FNIP2: variants seen among roughly 807,000 people sequenced by gnomAD.
FNIP2 encodes folliculin interacting protein 2, also known as folliculin-interacting protein 2.
Under a neutral mutation model 108.7 loss-of-function variants are expected in FNIP2, and 32 were observed. The observed-to-expected ratio is 0.29, with a 90% CI of 0.22 to 0.40. The LOEUF is 0.40. Ranked by LOEUF, FNIP2 falls within the 10% of genes least tolerant of loss-of-function variation. The probability of loss-of-function intolerance (pLI) is 1.00; values close to 1 mark genes in which losing one functional copy is unlikely to be tolerated. For missense variants in FNIP2, 1,202 were observed against 1,381.6 expected, an observed-to-expected ratio of 0.87 and a Z score of 2.06; for synonymous variants, 480 against 496.7, an observed-to-expected ratio of 0.97 and a Z score of 0.45.
intron 13 of FNIP2, 27 bp from the exon 14 acceptor site, chr4:158,870,286 A>G (rs746717534): frequency 6.2e-7 from 1 of 1,603,452 alleles, no homozygotes. Flanking sequence ...TTAGCTGTGC[A>G]TTTTAATGGG....
chr4:158,839,904 G>A (rs1245616903), intron 7 of FNIP2, among the ~76,000 whole-genome samples: 1 of 152,186 alleles, frequency 6.6e-6, no homozygotes, highest in Non-Finnish European at 1.5e-5. Context: ...AGCAGCACAA[G>A]CTGGGGCAGG....
intron 7 of FNIP2, among the ~76,000 whole-genome samples, chr4:158,844,517 C>G (rs77364422): frequency 0.04 from 6,117 of 152,252 alleles, 206 homozygotes; most frequent in Non-Finnish European, 0.06. Context: ...AACCTTTGTG[C>G]TAGTTATTTA....
chr4:158,844,855 G>A (rs561133651), intron 7 of FNIP2, among the ~76,000 whole-genome samples: 2 of 152,286 alleles, frequency 1.3e-5, no homozygotes, highest in South Asian at 2.1e-4. Flanking sequence ...AACTTGATTG[G>A]CACATGCCAG....
chr4:158,861,187 G>A (rs1006598142), intron 10 of FNIP2, among the ~76,000 whole-genome samples, 155 bp from the exon 11 acceptor site: 4 of 152,242 alleles, frequency 2.6e-5, no homozygotes, highest in Non-Finnish European at 4.4e-5. Flanking sequence ...GATTTGGCCC[G>A]TGGGCCATAG....
At chr4:158,896,993 C>G (rs1782748492) in intron 16 of FNIP2, among the ~76,000 whole-genome samples, 1 of 152,054 alleles carries the variant, frequency 6.6e-6, no homozygotes, top group South Asian at 2.1e-4. Context: ...TATCCCACCC[C>G]CAGCCCCCCA....
Position 158,903,469 on chromosome 4 carries a change from A to G in FNIP2, c.3267-997A>G, listed in dbSNP as rs566747527. ...TTCCATTGCCAAATGTGTGCCTTAC[A>G]TTTCAAGGGCTTTACCCCATCCTTG... On this transcript the variant is annotated intron_variant, in intron 16 of 16. Coordinates refer to ENST00000264433, the MANE Select transcript of FNIP2 (RefSeq NM_020840.3). Among the ~76,000 whole-genome samples the G allele has an allele frequency of 1.1e-4, 17 of 152,262 alleles. 1 individual carries two copies. In the South Asian group the frequency reaches 3.5e-3, roughly 32 times the overall value.
intron 1 of FNIP2, among the ~76,000 whole-genome samples, chr4:158,798,527 G>A (rs1414230692): frequency 1.3e-5 from 2 of 152,148 alleles, no homozygotes; most frequent in Non-Finnish European, 2.9e-5. Flanking sequence ...ATATTTTTCT[G>A]AATTATTGAT....
intron 13 of FNIP2, among the ~76,000 whole-genome samples, chr4:158,869,672 A>G (rs1430818076): frequency 6.6e-6 from 1 of 152,194 alleles, no homozygotes; most frequent in Admixed American, 6.5e-5. Context: ...TTGTCTTTGC[A>G]GCTATCGTGA....
chr4:158,802,093 G>A (rs1776782926), intron 1 of FNIP2, among the ~76,000 whole-genome samples: 1 of 152,082 alleles, frequency 6.6e-6, no homozygotes, highest in South Asian at 2.1e-4. Context: ...GTACATATTC[G>A]GGTTGCTGTG....
intron 1 of FNIP2, among the ~76,000 whole-genome samples, chr4:158,803,165 T>C (rs1265118063): frequency 2.6e-5 from 4 of 152,200 alleles, no homozygotes; most frequent in Admixed American, 1.3e-4. Flanking sequence ...CAGACACTTT[T>C]GTAAATGTGT....
chr4:158,778,524 G>A (rs11723981), intron 1 of FNIP2, among the ~76,000 whole-genome samples: 55,010 of 152,048 alleles, frequency 0.36, 10,398 homozygotes, highest in Middle Eastern at 0.47. Flanking sequence ...ATCATCTCAA[G>A]GAGAAGGAGG....
intron 10 of FNIP2, among the ~76,000 whole-genome samples, chr4:158,860,744 C>T (rs953158556): frequency 6.6e-6 from 1 of 150,672 alleles, no homozygotes; most frequent in African/African-American, 2.4e-5. Context: ...GCAACCTTCA[C>T]CTCCTGGGTT....
At chr4:158,846,552 A>T (rs201732157) in intron 7 of FNIP2, among the ~76,000 whole-genome samples, 1 of 152,188 alleles carries the variant, frequency 6.6e-6, no homozygotes, top group East Asian at 1.9e-4. Context: ...TATAATACAG[A>T]TAATTTCCAG....
intron 7 of FNIP2, chr4:158,836,200 C>A: frequency 6.6e-6 from 1 of 152,312 alleles, no homozygotes; most frequent in Non-Finnish European, 1.5e-5. Context: ...AACAAATGGG[C>A]CAGCCAGGCG....
intron 1 of FNIP2, among the ~76,000 whole-genome samples, chr4:158,787,367 G>A (rs940634268): frequency 7.9e-5 from 12 of 152,162 alleles, no homozygotes; most frequent in Admixed American, 1.3e-4. Flanking sequence ...CTGGTTAAAC[G>A]TGCTGCTCTG....
At chr4:158,879,299 AC>A (rs1423327767) in intron 14 of FNIP2, among the ~76,000 whole-genome samples, 1 of 150,558 alleles carries the variant, frequency 6.6e-6, no homozygotes, top group East Asian at 1.9e-4. Context: ...TTGCGATCTA[AC>A]AGGAAATAGA....
intron 1 of FNIP2, among the ~76,000 whole-genome samples, chr4:158,773,307 A>G (rs1160190705): frequency 1.3e-5 from 2 of 152,156 alleles, no homozygotes; most frequent in Non-Finnish European, 2.9e-5. Flanking sequence ...TGCACTGGTT[A>G]GTGATTTTTT....
At chr4:158,772,031 A>C (rs1775715109) in intron 1 of FNIP2, among the ~76,000 whole-genome samples, 2 of 152,194 alleles carry the variant, frequency 1.3e-5, no homozygotes, top group Admixed American at 6.5e-5. Flanking sequence ...TAAAAACAGG[A>C]TCATCATAGT....
intron 2 of FNIP2, among the ~76,000 whole-genome samples, chr4:158,827,122 G>GT (rs1476392236): frequency 6.6e-6 from 1 of 152,184 alleles, no homozygotes; most frequent in Non-Finnish European, 1.5e-5. Context: ...TGTTGGGCTT[G>GT]TTAGGTAGGT....
Sources: gnomAD v4.1 joint callset for allele counts (sites outside exome capture counted in the v4.1 genomes callset) on GRCh38, gnomAD v4.1.1 for gene constraint, MANE v1.5 for transcripts, NCBI Gene and HGNC (gene_info 2026-07-23, HGNC 2026-07-21) for gene names.